Variants in NAALADL2 observed in about 807,000 individuals in gnomAD.
NAALADL2 encodes inactive N-acetylated-alpha-linked acidic dipeptidase-like protein 2.
A neutral mutation model predicts 87.2 loss-of-function variants in NAALADL2; 76 were observed. That is an observed-to-expected ratio of 0.87 (90% CI 0.72 to 1.05). NAALADL2 has a LOEUF of 1.05. Ranked by LOEUF, NAALADL2 falls within the 50% of genes least tolerant of loss-of-function variation. The pLI is 0.00. For missense variants in NAALADL2, 1,089 were observed against 945.8 expected (o/e 1.15, Z -1.99); for synonymous variants, 354 against 331.0 (o/e 1.07, Z -0.75).
At chr3:174,597,246 C>T (rs1423954126) in intron 2 of NAALADL2, among the ~76,000 whole-genome samples, 2 of 152,156 alleles carry the variant, frequency 1.3e-5, no homozygotes, top group African/African-American at 2.4e-5. Context: ...TGAGTTGTAA[C>T]AACAGGAGTC....
intron 3 of NAALADL2, among the ~76,000 whole-genome samples, chr3:174,822,063 A>T (rs1721482672): frequency 6.6e-6 from 1 of 152,202 alleles, no homozygotes; most frequent in African/African-American, 2.4e-5. Flanking sequence ...TTCCTGAAGC[A>T]TAGGGATATC....
At chr3:174,516,389 G>T (rs1719936549) in intron 1 of NAALADL2, among the ~76,000 whole-genome samples, 1 of 152,160 alleles carries the variant, frequency 6.6e-6, no homozygotes, top group East Asian at 1.9e-4. Context: ...TCTTGGGGGA[G>T]TAAGGAGTTT....
chr3:175,611,367 A>T (rs1176199842), intron 10 of NAALADL2, among the ~76,000 whole-genome samples: 1 of 152,088 alleles, frequency 6.6e-6, no homozygotes, highest in East Asian at 1.9e-4. Flanking sequence ...AATATTGGTC[A>T]TAAATTTTGT....
rs146250248 is a variant in NAALADL2 at position 175,761,847 on chromosome 3, G to T, written c.2189+6429G>T. On this transcript the variant is annotated intron_variant, in intron 13 of 13. Coordinates refer to ENST00000454872, the MANE Select transcript of NAALADL2 (RefSeq NM_207015.3). ...CTTTCGCCCATTTTTAAAATTGAGG[G>T]TTTTTTTCTTATTGTTGAGTTGTTA... Among the ~76,000 whole-genome samples, 566 of 151,912 alleles carry T rather than the reference G, an allele frequency of 3.7e-3. 4 individuals are homozygous for T. The highest frequency in any genetic ancestry group is 0.013 in the African/African-American group (544 of 41,426).
intron 2 of NAALADL2, among the ~76,000 whole-genome samples, chr3:174,684,375 AC>A (rs1479831715): frequency 1.3e-5 from 2 of 152,144 alleles, no homozygotes; most frequent in Non-Finnish European, 2.9e-5. Context: ...TTACAAATAT[AC>A]CTTTTATAAG....
intron 10 of NAALADL2, among the ~76,000 whole-genome samples, chr3:175,582,694 A>G (rs1385957739): frequency 2.6e-5 from 4 of 152,334 alleles, no homozygotes; most frequent in African/African-American, 9.6e-5. Flanking sequence ...TTAGAAATAC[A>G]AAGATGAATA....
At chr3:175,540,432 G>T (rs1014816835) in intron 9 of NAALADL2, among the ~76,000 whole-genome samples, 2 of 152,160 alleles carry the variant, frequency 1.3e-5, no homozygotes, top group Non-Finnish European at 2.9e-5. Context: ...GAGAGCACAG[G>T]GGACAGATTT....
chr3:174,850,587 A>G (rs1725131869), intron 3 of NAALADL2, among the ~76,000 whole-genome samples: 2 of 152,168 alleles, frequency 1.3e-5, no homozygotes, highest in African/African-American at 4.8e-5. Flanking sequence ...GTAAATATTC[A>G]TGCTCTGAAT....
intron 11 of NAALADL2, among the ~76,000 whole-genome samples, chr3:175,713,292 C>A (rs1434592551): frequency 1.4e-5 from 2 of 145,688 alleles, no homozygotes; most frequent in Non-Finnish European, 2.9e-5. Context: ...ACTTGCCCAC[C>A]CAACAGTTAT....
intron 1 of NAALADL2, among the ~76,000 whole-genome samples, chr3:174,465,040 A>G (rs532487679): frequency 3.4e-4 from 52 of 152,244 alleles, no homozygotes; most frequent in Admixed American, 1.2e-3. Flanking sequence ...TTTAATGACT[A>G]AAGTATATTG....
At chr3:175,463,557 A>C in intron 7 of NAALADL2, 64 bp downstream of exon 7, 3 of 843,184 alleles carry the variant, frequency 3.6e-6, no homozygotes, top group Non-Finnish European at 5.5e-6. Flanking sequence ...AATGCTCTGT[A>C]ATAATTTAAT....
chr3:175,537,018 A>G (rs1734916456), intron 9 of NAALADL2, among the ~76,000 whole-genome samples: 1 of 152,238 alleles, frequency 6.6e-6, no homozygotes, highest in Non-Finnish European at 1.5e-5. Flanking sequence ...TATTATATTT[A>G]TTGAGCTACT....
intron 1 of NAALADL2, among the ~76,000 whole-genome samples, chr3:174,472,858 A>T (rs949350209): frequency 2.0e-5 from 3 of 152,190 alleles, no homozygotes; most frequent in Admixed American, 2.0e-4. Flanking sequence ...TTGTAGAAAC[A>T]TGTCACAACC....
At chr3:174,485,242 G>C (rs1717779772) in intron 1 of NAALADL2, among the ~76,000 whole-genome samples, 1 of 151,884 alleles carries the variant, frequency 6.6e-6, no homozygotes, top group Admixed American at 6.6e-5. Context: ...GTAATCTACT[G>C]ATGATTTAAA....
intron 3 of NAALADL2, among the ~76,000 whole-genome samples, chr3:174,757,530 C>G (rs1025083862): frequency 1.3e-5 from 2 of 151,576 alleles, no homozygotes; most frequent in African/African-American, 4.9e-5. Flanking sequence ...CTCGCTCTGT[C>G]GCCCAGGCTG....
intron 2 of NAALADL2, among the ~76,000 whole-genome samples, chr3:175,097,807 A>G (rs1024243245): frequency 6.6e-6 from 1 of 152,172 alleles, no homozygotes; most frequent in South Asian, 2.1e-4. Flanking sequence ...TTTCTAGTTT[A>G]CATATTTAGT....
At chr3:174,556,348 A>G (rs1712816260) in intron 2 of NAALADL2, among the ~76,000 whole-genome samples, 1 of 152,280 alleles carries the variant, frequency 6.6e-6, no homozygotes, top group South Asian at 2.1e-4. Context: ...ACACATCTTT[A>G]GCAAGTATGT....
At chr3:174,721,942 G>A (rs974461941) in intron 2 of NAALADL2, among the ~76,000 whole-genome samples, 2 of 152,144 alleles carry the variant, frequency 1.3e-5, no homozygotes, top group African/African-American at 4.8e-5. Context: ...TCAGTCAGTT[G>A]TTACCTTACT....
At chr3:175,559,068 T>C (rs1168577061) in intron 9 of NAALADL2, among the ~76,000 whole-genome samples, 6 of 152,046 alleles carry the variant, frequency 3.9e-5, no homozygotes, top group African/African-American at 1.4e-4. Context: ...ACATGGAATA[T>C]CTTTTATTTT....
Sources: allele counts gnomAD v4.1 joint callset (sites outside exome capture counted in the v4.1 genomes callset), GRCh38; gene constraint gnomAD v4.1.1; transcripts MANE v1.5; gene names NCBI Gene and HGNC (gene_info 2026-07-23, HGNC 2026-07-21).